Variants in TMEM178B observed in about 807,000 individuals in gnomAD.
TMEM178B encodes the protein transmembrane protein 178B.
Under a neutral mutation model 31.0 loss-of-function variants are expected in TMEM178B, and 5 were observed. The ratio of observed to expected loss-of-function variants is 0.16; its 90% CI spans 0.08 to 0.34. The LOEUF is 0.34. Among genes scored for constraint, TMEM178B ranks in the 10% least tolerant of loss-of-function variants. The pLI is 1.00. For synonymous variants in TMEM178B, 164 were observed against 164.0 expected, an observed-to-expected ratio of 1.00 and a Z score of 0.00; for missense variants, 275 against 400.3, an observed-to-expected ratio of 0.69 and a Z score of 2.67.
At chr7:141,173,369 A>T (rs1796377801) in intron 1 of TMEM178B, among the ~76,000 whole-genome samples, 1 of 152,180 alleles carries the variant, frequency 6.6e-6, no homozygotes, top group Non-Finnish European at 1.5e-5. Context: ...ATGTTTTCTG[A>T]TTGAGCTGAA....
intron 2 of TMEM178B, among the ~76,000 whole-genome samples, chr7:141,330,380 G>T (rs1799277583): frequency 6.6e-6 from 1 of 152,112 alleles, no homozygotes; most frequent in Admixed American, 6.5e-5. Flanking sequence ...ATGGTGTTTG[G>T]TTTTCTGTTC....
intron 1 of TMEM178B, among the ~76,000 whole-genome samples, chr7:141,155,787 G>A (rs1442786989): frequency 2.0e-5 from 3 of 152,126 alleles, no homozygotes; most frequent in Non-Finnish European, 4.4e-5. Flanking sequence ...ATAAGGGGTC[G>A]GGCGTGGTGG....
At chr7:141,444,895 G>C (rs1801725068) in intron 3 of TMEM178B, among the ~76,000 whole-genome samples, 1 of 152,024 alleles carries the variant, frequency 6.6e-6, no homozygotes, top group Non-Finnish European at 1.5e-5. Context: ...CTGGTTCTGG[G>C]CTTCTAAGTG....
At chr7:141,342,593 C>G (rs756444190) in intron 2 of TMEM178B, among the ~76,000 whole-genome samples, 1 of 152,140 alleles carries the variant, frequency 6.6e-6, no homozygotes, top group East Asian at 1.9e-4. Context: ...TAGGTGGTTG[C>G]GTAGCCCTTT....
chr7:141,307,963 GT>G (rs1416239204), intron 2 of TMEM178B, among the ~76,000 whole-genome samples: 1 of 152,212 alleles, frequency 6.6e-6, no homozygotes, highest in Non-Finnish European at 1.5e-5. Flanking sequence ...TGTAGGGCTT[GT>G]GATTACCTTT....
At chr7:141,077,567 C>T (rs920486299) in intron 1 of TMEM178B, among the ~76,000 whole-genome samples, 3 of 152,218 alleles carry the variant, frequency 2.0e-5, no homozygotes. Context: ...TTCTGCCATG[C>T]TGTACCCACA....
chr7:141,089,904 A>G (rs1358969147), intron 1 of TMEM178B, among the ~76,000 whole-genome samples: 5 of 152,100 alleles, frequency 3.3e-5, no homozygotes, highest in African/African-American at 1.2e-4. Context: ...GATATACCTA[A>G]TGTAAATGAC....
intron 2 of TMEM178B, among the ~76,000 whole-genome samples, chr7:141,413,488 A>G (rs1801033235): frequency 6.6e-6 from 1 of 152,250 alleles, no homozygotes; most frequent in Non-Finnish European, 1.5e-5. Context: ...ATTGTCAATC[A>G]TGGACAGAGA....
At chr7:141,499,554 G>A in the TMEM178B span, among the ~76,000 whole-genome samples, 2 of 151,626 alleles carry the variant, frequency 1.3e-5, no homozygotes, top group Non-Finnish European at 2.9e-5. Context: ...TGGGAGGATT[G>A]CTTAAGCCTG....
chr7:141,250,355 T>C lies in TMEM178B; in HGVS notation c.496+37651T>C, dbSNP rs191302845. On this transcript the variant is annotated intron_variant, in intron 2 of 3. Transcript: ENST00000565468. ...ATGAGAAAATTGAAGTGCAGAGAGC[T>C]TAAGTAACTTGTTCAAAGTCACACA... 1.0e-3 allele frequency among the ~76,000 whole-genome samples: 154 copies of C among 152,294 alleles called. 1 individual carries two copies. Among genetic ancestry groups the C allele is most frequent in the Admixed American group, 8.8e-3 (135 of 15,298 alleles).
chr7:141,112,622 T>C (rs1795251853), intron 1 of TMEM178B, among the ~76,000 whole-genome samples: 1 of 152,252 alleles, frequency 6.6e-6, no homozygotes, highest in Non-Finnish European at 1.5e-5. Flanking sequence ...ATCAGTAATT[T>C]CTTCTCTTCC....
chr7:141,330,538 A>G (rs1350005994), intron 2 of TMEM178B, among the ~76,000 whole-genome samples: 1 of 152,152 alleles, frequency 6.6e-6, no homozygotes, highest in Non-Finnish European at 1.5e-5. Flanking sequence ...AGGGCTTTTA[A>G]TTGGAGGGTA....
intron 1 of TMEM178B, among the ~76,000 whole-genome samples, chr7:141,106,932 T>C (rs747349236): frequency 1.3e-5 from 2 of 152,080 alleles, no homozygotes; most frequent in Non-Finnish European, 2.9e-5. Flanking sequence ...GAGACAACAA[T>C]TGGAGGCTGA....
chr7:141,314,943 C>T (rs1459207019), intron 2 of TMEM178B, among the ~76,000 whole-genome samples: 1 of 152,212 alleles, frequency 6.6e-6, no homozygotes, highest in Non-Finnish European at 1.5e-5. Context: ...ACAATCATAT[C>T]ACAGGTATTA....
chr7:141,460,464 T>C (rs1372589261), intron 3 of TMEM178B, among the ~76,000 whole-genome samples: 1 of 152,244 alleles, frequency 6.6e-6, no homozygotes, highest in Non-Finnish European at 1.5e-5. Context: ...TATGAAATAC[T>C]AGGGGTTAGG....
intron 3 of TMEM178B, among the ~76,000 whole-genome samples, chr7:141,456,578 C>T (rs1801968587): frequency 6.6e-6 from 1 of 152,152 alleles, no homozygotes; most frequent in Non-Finnish European, 1.5e-5. Flanking sequence ...TTGCAAAAGC[C>T]TTGCATGGTA....
the TMEM178B span, among the ~76,000 whole-genome samples, chr7:141,497,450 C>A: frequency 1.3e-5 from 2 of 152,288 alleles, no homozygotes; most frequent in East Asian, 3.9e-4. Flanking sequence ...TTTGTTACCC[C>A]CTTTGGGCTC....
chr7:141,107,557 T>C (rs1038766835), intron 1 of TMEM178B, among the ~76,000 whole-genome samples: 2 of 152,148 alleles, frequency 1.3e-5, no homozygotes, highest in East Asian at 3.8e-4. Context: ...AATATAGGAC[T>C]CAGGGAAAGC....
rs71170797 is a variant in TMEM178B at position 141,432,146 on chromosome 7, C to CTTTTTTTTTT, written c.497-5443_497-5434dup. On this transcript the variant is annotated intron_variant, in intron 2 of 3. Coordinates refer to ENST00000565468, the MANE Select transcript of TMEM178B (RefSeq NM_001195278.2). ...TTTCTTTTTCTCTCCTTCACTGCAT[C>CTTTTTTTTTT]TTTTTTTTTTTTTTTTTTTTTTTTT... Among the ~76,000 whole-genome samples the CTTTTTTTTTT allele has an allele frequency of 9.9e-4, 78 of 79,084 alleles. 6 individuals carry two copies. Among genetic ancestry groups the CTTTTTTTTTT allele is most frequent in the Middle Eastern group, 7.5e-3 (1 of 134 alleles). 51.9% of individuals were successfully genotyped at this position (79,084 alleles called of 152,430 possible).
Sources: allele counts gnomAD v4.1 joint callset (sites outside exome capture counted in the v4.1 genomes callset), GRCh38; gene constraint gnomAD v4.1.1; transcripts MANE v1.5; gene names NCBI Gene and HGNC (gene_info 2026-07-23, HGNC 2026-07-21).